The following PPP1R1C variants were observed in gnomAD, a reference collection of about 807,000 sequenced individuals.
PPP1R1C encodes the protein protein phosphatase 1 regulatory inhibitor subunit 1C, also known as protein phosphatase 1 regulatory subunit 1C.
Under a neutral mutation model 17.4 loss-of-function variants are expected in PPP1R1C, and 15 were observed. That is an observed-to-expected ratio of 0.86 (90% CI 0.58 to 1.33). The LOEUF (loss-of-function observed/expected upper bound fraction) is 1.33, where lower values mean the gene tolerates loss of function less well. Ranked by LOEUF, PPP1R1C falls within the 40% of genes most tolerant of loss-of-function variation. PPP1R1C has a pLI of 0.00. For missense variants in PPP1R1C, 143 were observed against 130.0 expected (o/e 1.10, Z -0.48); for synonymous variants, 35 against 43.1 (o/e 0.81, Z 0.73).
chr2:181,973,774 C>T (rs988751065), intron 1 of PPP1R1C, among the ~76,000 whole-genome samples: 33 of 152,202 alleles, frequency 2.2e-4, no homozygotes, highest in Non-Finnish European at 7.4e-5. Flanking sequence ...TAAAGGCATA[C>T]TCAGGATGAA....
chr2:182,003,459 C>T (rs1290536491), intron 2 of PPP1R1C, among the ~76,000 whole-genome samples: 1 of 152,088 alleles, frequency 6.6e-6, no homozygotes, highest in Admixed American at 6.6e-5. Context: ...TAAATACTTG[C>T]ATTTTTTAAG....
intron 4 of PPP1R1C, among the ~76,000 whole-genome samples, chr2:182,073,818 G>A (rs1262791424): frequency 6.6e-6 from 1 of 152,166 alleles, no homozygotes; most frequent in Non-Finnish European, 1.5e-5. Context: ...TTTGAACACT[G>A]TGGGGTGGGG....
chr2:182,083,510 T>C (rs549164674), intron 4 of PPP1R1C, among the ~76,000 whole-genome samples: 100 of 152,346 alleles, frequency 6.6e-4, no homozygotes, highest in African/African-American at 2.2e-3. Context: ...CAGGAACATA[T>C]GGTATTTGGC....
intron 2 of PPP1R1C, among the ~76,000 whole-genome samples, chr2:182,027,762 A>C (rs1686666922): frequency 6.6e-6 from 1 of 150,996 alleles, no homozygotes; most frequent in Non-Finnish European, 1.5e-5. Context: ...TTTTCTATTC[A>C]TTGGAATAGT....
downstream of PPP1R1C, among the ~76,000 whole-genome samples, chr2:182,119,255 A>G (rs1236520383): frequency 6.6e-6 from 1 of 152,034 alleles, no homozygotes; most frequent in East Asian, 1.9e-4. Context: ...TTATGGCTGC[A>G]TAGTATTCCA....
At chr2:182,049,723 ACAATT>A (rs1687453870) in intron 2 of PPP1R1C, among the ~76,000 whole-genome samples, 1 of 152,178 alleles carries the variant, frequency 6.6e-6, no homozygotes, top group Non-Finnish European at 1.5e-5. Context: ...TAGTTTTAAT[ACAATT>A]CAGTTTACCT....
At chr2:182,031,239 CT>C (rs1388509559) in intron 2 of PPP1R1C, among the ~76,000 whole-genome samples, 1 of 152,212 alleles carries the variant, frequency 6.6e-6, no homozygotes, top group Non-Finnish European at 1.5e-5. Context: ...GCTCCTCCCC[CT>C]ATATTCTTCT....
At chr2:182,013,378 T>C (rs903495334) in intron 2 of PPP1R1C, among the ~76,000 whole-genome samples, 6 of 152,166 alleles carry the variant, frequency 3.9e-5, no homozygotes, top group African/African-American at 7.2e-5. Flanking sequence ...CCTGTAAGGT[T>C]TCCATTGAGA....
downstream of PPP1R1C, among the ~76,000 whole-genome samples, chr2:182,118,295 T>C (rs1689644453): frequency 6.6e-6 from 1 of 152,150 alleles, no homozygotes; most frequent in African/African-American, 2.4e-5. Flanking sequence ...CAAGATTTTA[T>C]ATGACAGTGT....
intron 4 of PPP1R1C, among the ~76,000 whole-genome samples, chr2:182,079,645 T>C (rs1394988406): frequency 6.6e-6 from 1 of 152,202 alleles, no homozygotes; most frequent in Non-Finnish European, 1.5e-5. Context: ...ACTGCCTTAA[T>C]AGATTCCCAC....
At chr2:181,985,051 G>C (rs901855819), upstream of PPP1R1C, among the ~76,000 whole-genome samples, 9 of 151,920 alleles carry the variant, frequency 5.9e-5, no homozygotes, top group Non-Finnish European at 1.3e-4. This position sits in a 1 kb window ranked among gnomAD's most constrained non-coding sequence, Gnocchi z 4.1. Flanking sequence ...CATTTCTACT[G>C]TTGACAACAA....
At chr2:182,073,509 T>C (rs1688199655) in intron 4 of PPP1R1C, among the ~76,000 whole-genome samples, 1 of 152,216 alleles carries the variant, frequency 6.6e-6, no homozygotes, top group African/African-American at 2.4e-5. Flanking sequence ...GCTCTTTTAG[T>C]TCAAGATAAG....
At chr2:182,108,520 C>T (rs1165980233) in intron 4 of PPP1R1C, among the ~76,000 whole-genome samples, 1 of 152,192 alleles carries the variant, frequency 6.6e-6, no homozygotes, top group Non-Finnish European at 1.5e-5. Flanking sequence ...ATGACTTCCA[C>T]ATTAATACCT....
At chr2:182,066,395 A>G (rs933095791) in intron 4 of PPP1R1C, among the ~76,000 whole-genome samples, 2 of 152,076 alleles carry the variant, frequency 1.3e-5, no homozygotes, top group African/African-American at 2.4e-5. Flanking sequence ...GATAAGATAA[A>G]CCTATTTTGT....
intron 4 of PPP1R1C, among the ~76,000 whole-genome samples, chr2:182,070,683 A>G (rs2125204392): frequency 6.6e-6 from 1 of 152,338 alleles, no homozygotes; most frequent in Non-Finnish European, 1.5e-5. Context: ...AGTTGTATAA[A>G]ACAGTTCTTG....
At chr2:182,078,825 T>C (rs1688391272) in intron 4 of PPP1R1C, among the ~76,000 whole-genome samples, 1 of 152,196 alleles carries the variant, frequency 6.6e-6, no homozygotes, top group Non-Finnish European at 1.5e-5. Flanking sequence ...AGCAGGTGTG[T>C]TTTAATTGTA....
At chr2:182,063,209 G>A (rs1294588236) in intron 3 of PPP1R1C, among the ~76,000 whole-genome samples, 1 of 151,784 alleles carries the variant, frequency 6.6e-6, no homozygotes, top group Non-Finnish European at 1.5e-5. Flanking sequence ...TATGAAGAAT[G>A]TTACCTCAAC....
chr2:182,092,375 T>C (rs1455194437), intron 4 of PPP1R1C, among the ~76,000 whole-genome samples: 2 of 152,156 alleles, frequency 1.3e-5, no homozygotes, highest in African/African-American at 4.8e-5. Flanking sequence ...ATGGGAATTA[T>C]GGGAGATACA....
At chr2:182,073,549 G>A (rs1372819616) in intron 4 of PPP1R1C, among the ~76,000 whole-genome samples, 1 of 152,290 alleles carries the variant, frequency 6.6e-6, no homozygotes, top group East Asian at 1.9e-4. Flanking sequence ...TATGAAAAAT[G>A]TTGTCAAATG....
Sources: gnomAD v4.1 joint callset for allele counts (sites outside exome capture counted in the v4.1 genomes callset) on GRCh38, gnomAD v4.1.1 for gene constraint, Gnocchi (gnomAD v3.1) non-coding constraint, MANE v1.5 for transcripts, NCBI Gene and HGNC (gene_info 2026-07-23, HGNC 2026-07-21) for gene names.